CPNE5: variants seen among roughly 807,000 people sequenced by gnomAD.
CPNE5 encodes copine 5.
CPNE5 carries 42 observed loss-of-function variants against 81.1 expected under a neutral mutation model. The observed-to-expected ratio is 0.52, with a 90% CI of 0.40 to 0.67. The LOEUF is 0.67. Among genes scored for constraint, CPNE5 ranks in the 30% least tolerant of loss-of-function variants. The pLI, the probability that CPNE5 is intolerant of heterozygous loss-of-function variation, is 0.00. For synonymous variants in CPNE5, 313 were observed against 321.5 expected, an observed-to-expected ratio of 0.97 and a Z score of 0.28; for missense variants, 612 against 815.5, an observed-to-expected ratio of 0.75 and a Z score of 3.04.
At chr6:36,795,704 A>G (rs940234552) in intron 6 of CPNE5, among the ~76,000 whole-genome samples, 1 of 152,152 alleles carries the variant, frequency 6.6e-6, no homozygotes, top group Admixed American at 6.5e-5. Flanking sequence ...AATTGTGAGA[A>G]AATCAATTTT....
intron 1 of CPNE5, among the ~76,000 whole-genome samples, chr6:36,836,826 C>G (rs995863497): frequency 6.6e-6 from 1 of 152,106 alleles, no homozygotes; most frequent in Non-Finnish European, 1.5e-5. Flanking sequence ...CTACAATTTC[C>G]AGGCCACCCA....
At chr6:36,818,328 T>G (rs886064640) in intron 3 of CPNE5, among the ~76,000 whole-genome samples, 1 of 152,226 alleles carries the variant, frequency 6.6e-6, no homozygotes, top group Non-Finnish European at 1.5e-5. Flanking sequence ...CGTTTCCCGT[T>G]AGGATTGTTC....
intron 9 of CPNE5, among the ~76,000 whole-genome samples, chr6:36,776,099 T>C (rs371662315): frequency 1.3e-5 from 2 of 152,208 alleles, no homozygotes; most frequent in East Asian, 3.9e-4. Flanking sequence ...TCCCTGCCCA[T>C]GCCCCACGCC....
intron 3 of CPNE5, among the ~76,000 whole-genome samples, chr6:36,812,223 G>C (rs1472799969): frequency 5.3e-5 from 8 of 152,234 alleles, no homozygotes; most frequent in Non-Finnish European, 1.2e-4. Context: ...TCCTAGCTGT[G>C]TTGCTGGGCA....
chr6:36,764,068 C>G (rs1283047745), intron 11 of CPNE5, among the ~76,000 whole-genome samples: 1 of 151,766 alleles, frequency 6.6e-6, no homozygotes, highest in Non-Finnish European at 1.5e-5. Flanking sequence ...CAAGAGGTGT[C>G]CCTGGGGCCC....
At chr6:36,818,080 T>A (rs1250680656) in intron 3 of CPNE5, among the ~76,000 whole-genome samples, 1 of 152,146 alleles carries the variant, frequency 6.6e-6, no homozygotes, top group East Asian at 1.9e-4. Flanking sequence ...CTGAGGCCAG[T>A]CCTGCCCCCG....
intron 6 of CPNE5, among the ~76,000 whole-genome samples, chr6:36,797,712 G>A (rs1038140290): frequency 4.6e-5 from 7 of 152,176 alleles, no homozygotes; most frequent in Non-Finnish European, 8.8e-5. Flanking sequence ...AGGATGGGAC[G>A]GGAGGAGCCT....
In CPNE5 at chr6:36,798,412, T is replaced by G. The variant is rs369081829; in HGVS notation, c.327+43A>C. On this transcript the variant is annotated intron_variant, in intron 5 of 20. Coordinates refer to ENST00000244751, the MANE Select transcript of CPNE5 (RefSeq NM_020939.2). ...CCAGGCTCACCCAGAGGATGGCATTTCAGAAACTATGGAATTGCTGAGCAG... is the reference window on the plus strand; with the variant it reads ...CCAGGCTCACCCAGAGGATGGCATTGCAGAAACTATGGAATTGCTGAGCAG... 84 of 1,605,418 alleles carry G rather than the reference T, an allele frequency of 5.2e-5. No individual in the cohort carries two copies. The South Asian group carries it at 8.6e-4, about 16-fold the overall frequency.
chr6:36,794,732 G>T (rs1769419312), intron 6 of CPNE5, 83 bp from the exon 7 acceptor site: 6 of 1,251,660 alleles, frequency 4.8e-6, no homozygotes, highest in Non-Finnish European at 5.8e-6. Flanking sequence ...GCATCCAGAT[G>T]CTTGGAGACA....
chr6:36,768,838 C>G (rs1036359098), intron 10 of CPNE5, among the ~76,000 whole-genome samples: 4 of 152,232 alleles, frequency 2.6e-5, no homozygotes, highest in African/African-American at 7.2e-5. Flanking sequence ...GGGTGAGCAG[C>G]CCTGGCTGGC....
rs531801722 is a variant in CPNE5 at position 36,775,077 on chromosome 6, G to T, written c.633-12C>A. The stretch of plus-strand genomic sequence containing the variant: ...GGCAAATGGTGAACCTGGTGAAGAA[G>T]AAGAGAGGGAAAGGCTGTCAGGCCC... On this transcript the variant is annotated splice_polypyrimidine_tract_variant and intron_variant, in intron 9 of 20. Transcript: ENST00000244751. 1 of 1,608,934 alleles carries T rather than the reference G, an allele frequency of 6.2e-7. No homozygotes were observed. Among genetic ancestry groups the T allele is most frequent in the Admixed American group, 1.7e-5 (1 of 60,004 alleles).
intron 12 of CPNE5, among the ~76,000 whole-genome samples, chr6:36,757,958 C>T (rs6906963): frequency 0.035 from 5,269 of 152,156 alleles, 271 homozygotes; most frequent in African/African-American, 0.12. Context: ...GTCTGAATGT[C>T]ACCCAGCGGC....
At chr6:36,763,768 AAGCAAATATAACAAATGTTAAATTC>A (rs1361656521) in intron 11 of CPNE5, among the ~76,000 whole-genome samples, 2 of 152,224 alleles carry the variant, frequency 1.3e-5, no homozygotes, top group African/African-American at 2.4e-5. Context: ...AACATAGATG[AAGCAAATATAACAAATGTTAAATTC>A]AGGTGATGGG....
chr6:36,751,801 T>TAAATAAAATA (rs145461492), intron 14 of CPNE5, among the ~76,000 whole-genome samples: 2,951 of 151,122 alleles, frequency 0.02, 41 homozygotes, highest in Middle Eastern at 0.031. Flanking sequence ...TCTCAAAAAA[T>TAAATAAAATA]AAATAAAATA....
chr6:36,816,730 G>A (rs760628123), intron 3 of CPNE5, among the ~76,000 whole-genome samples: 2 of 152,156 alleles, frequency 1.3e-5, no homozygotes, highest in Admixed American at 6.5e-5. Context: ...TCTGTGGGTC[G>A]CACAGAGAAT....
chr6:36,797,983 T>A (rs1438594564), intron 6 of CPNE5, among the ~76,000 whole-genome samples, 182 bp downstream of exon 6: 2 of 152,066 alleles, frequency 1.3e-5, no homozygotes, highest in South Asian at 4.2e-4. Context: ...CATCCTGGGT[T>A]CCCCTGAAAT....
chr6:36,816,860 C>A (rs988229853), intron 3 of CPNE5, among the ~76,000 whole-genome samples: 11 of 152,176 alleles, frequency 7.2e-5, no homozygotes, highest in African/African-American at 2.7e-4. Flanking sequence ...ATCACTGCAA[C>A]CTCTGTCTCC....
upstream of CPNE5, chr6:36,839,641 CG>C: frequency 9.7e-6 from 1 of 103,530 alleles, no homozygotes; most frequent in Non-Finnish European, 2.0e-5. This position sits in a 1 kb window ranked among gnomAD's most constrained non-coding sequence, Gnocchi z 7.3. Flanking sequence ...GCCCAGGGAG[CG>C]GGGGCACAGC....
At chr6:36,799,690 C>T (rs750645991) in intron 4 of CPNE5, among the ~76,000 whole-genome samples, 30 of 152,222 alleles carry the variant, frequency 2.0e-4, no homozygotes, top group Admixed American at 5.9e-4. Flanking sequence ...GATCTTTCCT[C>T]AGCAGACATT....
Sources: gnomAD v4.1 joint callset for allele counts (sites outside exome capture counted in the v4.1 genomes callset) on GRCh38, gnomAD v4.1.1 for gene constraint, Gnocchi (gnomAD v3.1) non-coding constraint, MANE v1.5 for transcripts, NCBI Gene and HGNC (gene_info 2026-07-23, HGNC 2026-07-21) for gene names.